Variants in STK24 observed in about 807,000 individuals in gnomAD.
STK24 encodes serine/threonine-protein kinase 24.
STK24 carries 21 observed loss-of-function variants against 55.6 expected under a neutral mutation model. The observed-to-expected ratio is 0.38, with a 90% CI of 0.27 to 0.54. The LOEUF (loss-of-function observed/expected upper bound fraction) is 0.54. Among genes scored for constraint, STK24 ranks in the 20% least tolerant of loss-of-function variants. STK24 has a pLI of 0.79. For missense variants in STK24, 383 were observed against 538.4 expected (o/e 0.71, Z 2.86); for synonymous variants, 200 against 215.2 (o/e 0.93, Z 0.62).
intron 2 of STK24, among the ~76,000 whole-genome samples, chr13:98,514,450 T>C (rs944797449): frequency 6.6e-5 from 10 of 152,232 alleles, no homozygotes; most frequent in African/African-American, 2.4e-4. Context: ...CAATCAATCC[T>C]TTCCCAGAAT....
intron 2 of STK24, among the ~76,000 whole-genome samples, chr13:98,514,738 T>C (rs1207632223): frequency 6.6e-6 from 1 of 152,184 alleles, no homozygotes; most frequent in Non-Finnish European, 1.5e-5. Context: ...GGCTTGATGT[T>C]TGAGAGGAAT....
At position 98,450,895 on chromosome 13, in the gene STK24, A is replaced by G. The variant is rs1215798990; in HGVS notation, c.*2278T>C. Reference sequence around the variant, plus strand: ...CGTCTACAGAAAGTAACAGCCCAGGAGAGAATGTACACAGAGGCGAGCTTT... The same window carrying G: ...CGTCTACAGAAAGTAACAGCCCAGGGGAGAATGTACACAGAGGCGAGCTTT... On this transcript the variant is annotated 3_prime_UTR_variant, in exon 11 of 11. Coordinates refer to ENST00000539966, the MANE Select transcript of STK24 (RefSeq NM_001032296.4). The G allele has an allele frequency of 2.0e-5, 3 of 152,210 alleles. No homozygotes were observed. The highest frequency in any genetic ancestry group is 7.2e-5 in the African/African-American group (3 of 41,452). The allele number at this position is 152,210 out of a possible 1,614,324, so 9.4% of individuals were successfully genotyped here.
At chr13:98,488,602 T>C (rs770634488) in intron 2 of STK24, among the ~76,000 whole-genome samples, 7 of 152,156 alleles carry the variant, frequency 4.6e-5, no homozygotes, top group Non-Finnish European at 8.8e-5. Context: ...CTGCAAACAC[T>C]AGCTTTTGCT....
intron 2 of STK24, among the ~76,000 whole-genome samples, chr13:98,497,830 A>T (rs72655622): frequency 6.6e-6 from 1 of 152,142 alleles, no homozygotes; most frequent in African/African-American, 2.4e-5. Context: ...AACAGGGTAC[A>T]GCGTCCTGGG....
At position 98,451,377 on chromosome 13, in the gene STK24, A is replaced by G. The variant is rs1893185871; in HGVS notation, c.*1796T>C. 1 of 152,182 alleles carries G rather than the reference A, an allele frequency of 6.6e-6. No homozygotes were observed. The highest frequency in any genetic ancestry group is 6.5e-5 in the Admixed American group (1 of 15,284). 9.4% of individuals were successfully genotyped at this position (152,182 alleles called of 1,614,324 possible). ...CTTCTCCAATTTTATTATTCAACAT[A>G]ACATTCTTGTATGGAGTAATGAGTA... On this transcript the variant is annotated 3_prime_UTR_variant, in exon 11 of 11. Transcript: ENST00000539966.
rs553846412 is a variant in STK24 at position 98,533,134 on chromosome 13, T to G, written c.43-13661A>C. On this transcript the variant is annotated intron_variant, in intron 1 of 10. Coordinates refer to ENST00000539966, the MANE Select transcript of STK24 (RefSeq NM_001032296.4). ...TGGCTCACGCCTATAATCCCAGCAC[T>G]TTGGGAGGCTGAGGTGGGTGGATCA... is the stretch of plus-strand genomic sequence containing the variant. 2.4e-4 allele frequency among the ~76,000 whole-genome samples: 36 copies of G among 152,318 alleles called. No homozygotes were observed. In the South Asian group the frequency reaches 7.2e-3, roughly 31 times the overall value.
intron 2 of STK24, among the ~76,000 whole-genome samples, chr13:98,486,926 T>A (rs1307469312): frequency 6.6e-6 from 1 of 152,170 alleles, no homozygotes; most frequent in Non-Finnish European, 1.5e-5. Flanking sequence ...AACCTCACAG[T>A]TCCAAGTGAC....
intron 1 of STK24, among the ~76,000 whole-genome samples, chr13:98,573,770 A>T (rs566866841): frequency 1.3e-5 from 2 of 152,260 alleles, no homozygotes; most frequent in Non-Finnish European, 2.9e-5. Flanking sequence ...TAGGAGGAGT[A>T]GTAGTTTCCA....
At chr13:98,486,023 G>C (rs1053327761) in intron 2 of STK24, among the ~76,000 whole-genome samples, 6 of 152,134 alleles carry the variant, frequency 3.9e-5, no homozygotes, top group African/African-American at 1.2e-4. Context: ...ACATGGACTC[G>C]GGGAGGGGAA....
intron 10 of STK24, chr13:98,453,471 C>T (rs774762205): frequency 2.2e-5 from 10 of 463,250 alleles, no homozygotes; most frequent in Admixed American, 4.0e-5. Context: ...GTGAATAAAA[C>T]GGGAAATCAT....
At position 98,535,368 on chromosome 13, in the gene STK24, A is replaced by ATAT. The variant is rs1435858776; in HGVS notation, c.43-15896_43-15895insATA. ...AACAAACAAACAAACAAACAAAAAA[A>ATAT]AAATATATATATATATATATATGTG... On this transcript the variant is annotated intron_variant, in intron 1 of 10. Transcript: ENST00000539966. 3.2e-3 allele frequency among the ~76,000 whole-genome samples: 159 copies of ATAT among 48,974 alleles called. 1 individual carries two copies. In the East Asian group the frequency reaches 0.042, roughly 13 times the overall value. 32.1% of individuals were successfully genotyped at this position (48,974 alleles called of 152,430 possible).
intron 1 of STK24, among the ~76,000 whole-genome samples, chr13:98,536,676 T>G (rs1181718988): frequency 1.3e-5 from 2 of 152,140 alleles, no homozygotes; most frequent in East Asian, 1.9e-4. Context: ...CTCTCCATTT[T>G]TAAAAGCTCA....
intron 8 of STK24, among the ~76,000 whole-genome samples, chr13:98,460,804 C>G (rs1239479235): frequency 6.6e-6 from 1 of 151,978 alleles, no homozygotes; most frequent in East Asian, 1.9e-4. Context: ...CTTTGGGAAG[C>G]CGAAGCAGGA....
intron 2 of STK24, among the ~76,000 whole-genome samples, chr13:98,500,669 C>A (rs1594615749): frequency 7.1e-6 from 1 of 141,136 alleles, no homozygotes; most frequent in Middle Eastern, 3.6e-3. Flanking sequence ...CAGTCTGAGA[C>A]CCTTCTGCCA....
intron 1 of STK24, among the ~76,000 whole-genome samples, chr13:98,540,670 T>C (rs1325309453): frequency 6.6e-6 from 1 of 150,998 alleles, no homozygotes; most frequent in African/African-American, 2.4e-5. Flanking sequence ...GCTGACAACG[T>C]GTCCATGAAG....
At chr13:98,555,396 AC>A (rs1455052407) in intron 1 of STK24, among the ~76,000 whole-genome samples, 1 of 151,916 alleles carries the variant, frequency 6.6e-6, no homozygotes, top group Admixed American at 6.6e-5. Context: ...CCTGGCTAAT[AC>A]GGTGAAACCC....
intron 1 of STK24, chr13:98,542,837 G>GCTTA: frequency 1.0e-6 from 1 of 982,960 alleles, no homozygotes; most frequent in Non-Finnish European, 1.2e-6. Context: ...AAGTACCAAC[G>GCTTA]CTTACCCTGT....
At chr13:98,509,080 A>G (rs1055128934) in intron 2 of STK24, 1 of 152,222 alleles carries the variant, frequency 6.6e-6, no homozygotes, top group Non-Finnish European at 1.5e-5. Flanking sequence ...TTATCAGACA[A>G]TTATTTCCTG....
intron 2 of STK24, among the ~76,000 whole-genome samples, chr13:98,507,941 G>A (rs988352005): frequency 1.3e-5 from 2 of 152,144 alleles, no homozygotes; most frequent in African/African-American, 4.8e-5. Context: ...CTCAAGTGGT[G>A]TTATCCCATA....
Sources: allele counts gnomAD v4.1 joint callset (sites outside exome capture counted in the v4.1 genomes callset), GRCh38; gene constraint gnomAD v4.1.1; transcripts MANE v1.5; gene names NCBI Gene and HGNC (gene_info 2026-07-23, HGNC 2026-07-21).